Variants in GALNT2 observed in about 807,000 individuals in gnomAD.
GALNT2 encodes polypeptide N-acetylgalactosaminyltransferase 2.
GALNT2 carries 31 observed loss-of-function variants against 81.4 expected under a neutral mutation model. The observed-to-expected ratio is 0.38, with a 90% CI of 0.29 to 0.51. The LOEUF (loss-of-function observed/expected upper bound fraction) is 0.51, where lower values mean the gene tolerates loss of function less well. Among genes scored for constraint, GALNT2 ranks in the 20% least tolerant of loss-of-function variants. The pLI, the probability that GALNT2 is intolerant of heterozygous loss-of-function variation, is 0.87. For missense variants in GALNT2, 629 were observed against 765.7 expected (o/e 0.82, Z 2.11); for synonymous variants, 303 against 287.4 (o/e 1.05, Z -0.55).
chr1:230,096,468 G>A (rs932677840), intron 1 of GALNT2, among the ~76,000 whole-genome samples: 4 of 152,068 alleles, frequency 2.6e-5, no homozygotes, highest in Non-Finnish European at 5.9e-5. Flanking sequence ...CGTCCATCTC[G>A]TTCTCCCCTC....
intron 14 of GALNT2, among the ~76,000 whole-genome samples, chr1:230,268,134 G>T (rs1380716475): frequency 6.6e-6 from 1 of 152,214 alleles, no homozygotes; most frequent in South Asian, 2.1e-4. Context: ...CCTCAGAAAA[G>T]TGGAGCTCTG....
In GALNT2 at chr1:230,193,772, C is replaced by T. The variant is rs186952244; in HGVS notation, c.221-9365C>T. Among the ~76,000 whole-genome samples, 3 of 152,276 alleles carry T rather than the reference C, an allele frequency of 2.0e-5. No individual in the cohort carries two copies. Among genetic ancestry groups the T allele is most frequent in the Non-Finnish European group, 4.4e-5 (3 of 68,020 alleles). ...ACTTGAAGATTGGTTATTAGGATCCCAGAATGAACTGTCCCATGGAAATGG... is the reference window on the plus strand; with the variant it reads ...ACTTGAAGATTGGTTATTAGGATCCTAGAATGAACTGTCCCATGGAAATGG... On this transcript the variant is annotated intron_variant, in intron 2 of 15. Coordinates refer to ENST00000366672, the MANE Select transcript of GALNT2 (RefSeq NM_004481.5). The surrounding 1 kb of genome is among the most constrained non-coding windows in gnomAD (Gnocchi z 4.3).
intron 6 of GALNT2, 151 bp downstream of exon 6, chr1:230,236,876 A>G: frequency 1.6e-6 from 1 of 637,926 alleles, no homozygotes; most frequent in South Asian, 2.3e-5. Context: ...TCTCCCAGCA[A>G]ACACAGGAAA....
At chr1:230,216,726 C>G (rs114932170) in intron 3 of GALNT2, among the ~76,000 whole-genome samples, 2,531 of 152,224 alleles carry the variant, frequency 0.017, 67 homozygotes, top group African/African-American at 0.058. Flanking sequence ...CCATGCCTGG[C>G]CTGTACTCTG....
intron 1 of GALNT2, among the ~76,000 whole-genome samples, chr1:230,173,373 C>T (rs974294122): frequency 6.6e-6 from 1 of 152,318 alleles, no homozygotes; most frequent in Middle Eastern, 3.4e-3. Flanking sequence ...TGATGGAATG[C>T]AGTATTTGGT....
intron 1 of GALNT2, among the ~76,000 whole-genome samples, chr1:230,140,601 T>C (rs534586014): frequency 2.4e-4 from 37 of 152,254 alleles, no homozygotes; most frequent in Non-Finnish European, 4.1e-4. Flanking sequence ...CTGTGCTTCC[T>C]GGAGTGACGC....
At position 230,275,438 on chromosome 1, in the gene GALNT2, T is replaced by A. The variant is rs1269896374; in HGVS notation, c.1560+874T>A. Among the ~76,000 whole-genome samples, 1 of 151,096 alleles carries A rather than the reference T, an allele frequency of 6.6e-6. No homozygotes were observed. Among genetic ancestry groups the A allele is most frequent in the African/African-American group, 2.4e-5 (1 of 41,004 alleles). ...ACACCACATATATACACACCACATA[T>A]ATATACACGCCACATATATACATAT... On this transcript the variant is annotated intron_variant, in intron 15 of 15. Transcript: ENST00000366672. This position sits in a 1 kb window ranked among gnomAD's most constrained non-coding sequence, Gnocchi z 5.5.
At chr1:230,066,531 C>T (rs1659185553), upstream of GALNT2, among the ~76,000 whole-genome samples, 1 of 152,216 alleles carries the variant, frequency 6.6e-6, no homozygotes. Flanking sequence ...ACCTCCACAT[C>T]TGCCTATATA....
chr1:230,081,893 T>G (rs1317179206), intron 1 of GALNT2, among the ~76,000 whole-genome samples: 1 of 152,200 alleles, frequency 6.6e-6, no homozygotes, highest in East Asian at 1.9e-4. Context: ...TGTGGGACAT[T>G]GGCTTGCGTT....
chr1:230,105,190 C>T (rs945956922), intron 1 of GALNT2, among the ~76,000 whole-genome samples: 2 of 152,172 alleles, frequency 1.3e-5, no homozygotes, highest in Non-Finnish European at 2.9e-5. Context: ...CTCAGACCTC[C>T]TTTCAGAGCA....
At chr1:230,214,193 ACCTCCG>A (rs1401915076) in intron 3 of GALNT2, among the ~76,000 whole-genome samples, 1 of 151,744 alleles carries the variant, frequency 6.6e-6, no homozygotes, top group Non-Finnish European at 1.5e-5. Context: ...GCTCACTGCA[ACCTCCG>A]CCTCCCCAGT....
At chr1:230,277,111 T>A (rs1307642125) in intron 15 of GALNT2, among the ~76,000 whole-genome samples, 1 of 152,238 alleles carries the variant, frequency 6.6e-6, no homozygotes, top group Non-Finnish European at 1.5e-5. Context: ...TTGTGAAGCA[T>A]GAAAAGACCT....
intron 13 of GALNT2, chr1:230,263,745 C>CGGCA (rs1259042618): frequency 6.6e-6 from 1 of 152,228 alleles, no homozygotes; most frequent in Non-Finnish European, 1.5e-5. Context: ...TGCCTTAATG[C>CGGCA]GGCACATTCC....
chr1:230,061,396 A>G (rs965059459), intron 1 of GALNT2, among the ~76,000 whole-genome samples: 1 of 152,182 alleles, frequency 6.6e-6, no homozygotes, highest in Non-Finnish European at 1.5e-5. Context: ...CATGCATAAA[A>G]TAATACAATT....
intron 14 of GALNT2, among the ~76,000 whole-genome samples, chr1:230,268,672 C>G (rs116595552): frequency 2.6e-5 from 4 of 152,192 alleles, no homozygotes; most frequent in African/African-American, 7.2e-5. Context: ...GCTAGTAACA[C>G]GAGACAGAGT....
intron 1 of GALNT2, among the ~76,000 whole-genome samples, chr1:230,175,296 A>G (rs1396179078): frequency 6.6e-6 from 1 of 152,188 alleles, no homozygotes; most frequent in Non-Finnish European, 1.5e-5. Context: ...GGAGGAAGCT[A>G]TCTTATCTAG....
intron 2 of GALNT2, among the ~76,000 whole-genome samples, chr1:230,183,449 TA>T (rs914910317): frequency 9.9e-5 from 15 of 151,724 alleles, no homozygotes; most frequent in Middle Eastern, 3.4e-3. Flanking sequence ...TTATGTGTCT[TA>T]AAAAAAAATT....
At chr1:230,064,810 C>T (rs553225765), upstream of GALNT2, among the ~76,000 whole-genome samples, 23 of 152,346 alleles carry the variant, frequency 1.5e-4, no homozygotes, top group African/African-American at 5.5e-4. Flanking sequence ...CTATGCCCAG[C>T]CTGCCTGGCA....
intron 2 of GALNT2, among the ~76,000 whole-genome samples, chr1:230,198,016 C>T (rs1328324901): frequency 2.0e-5 from 3 of 152,330 alleles, no homozygotes; most frequent in South Asian, 4.1e-4. Context: ...GCGTCCGGCG[C>T]AAGACCACAG....
Sources: gnomAD v4.1 joint callset for allele counts (sites outside exome capture counted in the v4.1 genomes callset) on GRCh38, gnomAD v4.1.1 for gene constraint, Gnocchi (gnomAD v3.1) non-coding constraint, MANE v1.5 for transcripts, NCBI Gene and HGNC (gene_info 2026-07-23, HGNC 2026-07-21) for gene names.